THAP5: variants seen among roughly 807,000 people sequenced by gnomAD.
The protein encoded by THAP5 is THAP domain-containing protein 5.
THAP5 carries 26 observed loss-of-function variants against 34.0 expected under a neutral mutation model. That is an observed-to-expected ratio of 0.77 (90% CI 0.56 to 1.06). THAP5 has a LOEUF of 1.06. THAP5 is among the 50% of genes least tolerant of loss of function. The pLI is 0.00. For synonymous variants in THAP5, 125 were observed against 153.0 expected, an observed-to-expected ratio of 0.82 and a Z score of 1.35; for missense variants, 394 against 452.8, an observed-to-expected ratio of 0.87 and a Z score of 1.18.
the THAP5 span, among the ~76,000 whole-genome samples, chr7:108,546,377 G>C: frequency 6.6e-6 from 1 of 152,174 alleles, no homozygotes; most frequent in African/African-American, 2.4e-5. Context: ...AATGTGTTCA[G>C]ACAGGCATAA....
downstream of THAP5, among the ~76,000 whole-genome samples, chr7:108,553,741 A>T (rs1005833823): frequency 2.0e-5 from 3 of 152,150 alleles, no homozygotes; most frequent in African/African-American, 7.2e-5. Context: ...GGATTGCCAG[A>T]AGCTTCTGCC....
the THAP5 span, among the ~76,000 whole-genome samples, chr7:108,548,170 A>G: frequency 6.6e-6 from 1 of 152,194 alleles, no homozygotes; most frequent in Non-Finnish European, 1.5e-5. Context: ...TGGGACAATA[A>G]TATACTCATG....
intron 1 of THAP5, among the ~76,000 whole-genome samples, chr7:108,567,817 TA>T (rs1259896742): frequency 1.3e-5 from 2 of 152,242 alleles, no homozygotes; most frequent in African/African-American, 4.8e-5. Flanking sequence ...GAAAATTTTT[TA>T]AAAACCCTAG....
chr7:108,557,504 G>A (rs1864395108), downstream of THAP5, among the ~76,000 whole-genome samples: 1 of 152,168 alleles, frequency 6.6e-6, no homozygotes, highest in South Asian at 2.1e-4. Flanking sequence ...TGACTTCAAA[G>A]GTCGACAGAT....
chr7:108,554,357 T>G (rs542672413), downstream of THAP5, among the ~76,000 whole-genome samples: 1 of 152,158 alleles, frequency 6.6e-6, no homozygotes, highest in East Asian at 1.9e-4. Context: ...CTTCATTGAT[T>G]AGAGTAGATT....
downstream of THAP5, among the ~76,000 whole-genome samples, chr7:108,560,625 T>C (rs562054957): frequency 2.6e-4 from 40 of 152,322 alleles, no homozygotes; most frequent in African/African-American, 8.7e-4. Context: ...AACTGAGATA[T>C]AAGGTTTGGC....
Position 108,566,910 on chromosome 7 carries a change from A to C in THAP5, c.81-888T>G, listed in dbSNP as rs532433057. ...ACAAAACAATATTTGAAAATGGTTTATATTCCATTTGGTACTTTTCCAAGA... is the reference window on the plus strand; with the variant it reads ...ACAAAACAATATTTGAAAATGGTTTCTATTCCATTTGGTACTTTTCCAAGA... On this transcript the variant is annotated intron_variant, in intron 1 of 2. Transcript: ENST00000415914. Among the ~76,000 whole-genome samples, 6 of 152,306 alleles carry C rather than the reference A, an allele frequency of 3.9e-5. No homozygotes were observed. The East Asian group carries it at 1.2e-3, about 29-fold the overall frequency.
At chr7:108,546,702 A>G in the THAP5 span, among the ~76,000 whole-genome samples, 1 of 152,160 alleles carries the variant, frequency 6.6e-6, no homozygotes, top group Non-Finnish European at 1.5e-5. Context: ...GTATTTTGCT[A>G]TTGCTAAGGA....
chr7:108,554,267 A>T (rs1298894213), downstream of THAP5, among the ~76,000 whole-genome samples: 7 of 152,234 alleles, frequency 4.6e-5, no homozygotes, highest in Admixed American at 6.5e-5. Flanking sequence ...ACAACATGTG[A>T]TGTGTATTTA....
At chr7:108,553,803 C>T (rs902521387), downstream of THAP5, among the ~76,000 whole-genome samples, 1 of 152,158 alleles carries the variant, frequency 6.6e-6, no homozygotes, top group African/African-American at 2.4e-5. Flanking sequence ...TCTTCCTAGC[C>T]CTGCAGAATT....
chr7:108,565,263 A>G (rs1441879346), intron 2 of THAP5, 158 bp from the exon 3 acceptor site: 1 of 555,766 alleles, frequency 1.8e-6, no homozygotes, highest in African/African-American at 1.9e-5. Flanking sequence ...TTTTCTAAAA[A>G]GCATTAATCC....
At chr7:108,550,105 A>G (rs1004292115), downstream of THAP5, among the ~76,000 whole-genome samples, 3 of 152,190 alleles carry the variant, frequency 2.0e-5, no homozygotes, top group Admixed American at 6.5e-5. Context: ...ATTTTCCAAC[A>G]GCTTCCTTAG....
Position 108,569,595 on chromosome 7 carries a change from G to C in THAP5, c.-26C>G, listed in dbSNP as rs112785303. On this transcript the variant is annotated 5_prime_UTR_variant, in exon 1 of 3. Coordinates refer to ENST00000415914, the MANE Select transcript of THAP5 (RefSeq NM_001130475.3). Reference sequence around the variant, plus strand: ...GACTCGGGTGAGGCCCCTGGAGACCGGGGCCGGCGACGGATGCAGGGCGGC... The same window carrying C: ...GACTCGGGTGAGGCCCCTGGAGACCCGGGCCGGCGACGGATGCAGGGCGGC... The C allele has an allele frequency of 1.9e-5, 30 of 1,549,882 alleles. No homozygotes were observed. Among genetic ancestry groups the C allele is most frequent in the African/African-American group, 4.1e-5 (3 of 73,042 alleles).
downstream of THAP5, among the ~76,000 whole-genome samples, chr7:108,551,272 A>G (rs1179120897): frequency 1.3e-5 from 2 of 152,144 alleles, no homozygotes; most frequent in African/African-American, 4.8e-5. Context: ...CCAGTGCAAC[A>G]GTGTTGGGAG....
the THAP5 span, among the ~76,000 whole-genome samples, chr7:108,544,057 A>T: frequency 6.6e-6 from 1 of 152,224 alleles, no homozygotes; most frequent in African/African-American, 2.4e-5. Context: ...CTAACACAAG[A>T]TCAAAAAGAA....
chr7:108,546,448 A>G, the THAP5 span, among the ~76,000 whole-genome samples: 218 of 152,320 alleles, frequency 1.4e-3, no homozygotes, highest in African/African-American at 5.0e-3. Flanking sequence ...TCAGTGATAC[A>G]TAGGACCCTT....
chr7:108,553,541 C>A (rs1319829014), downstream of THAP5, among the ~76,000 whole-genome samples: 1 of 152,068 alleles, frequency 6.6e-6, no homozygotes, highest in Non-Finnish European at 1.5e-5. Context: ...AAATTTTGAA[C>A]CTTTGTTTCC....
At chr7:108,551,673 A>C (rs963948978), downstream of THAP5, among the ~76,000 whole-genome samples, 4 of 152,218 alleles carry the variant, frequency 2.6e-5, no homozygotes, top group African/African-American at 9.6e-5. Flanking sequence ...CCTATGGATG[A>C]GTCTTGCCCT....
downstream of THAP5, among the ~76,000 whole-genome samples, chr7:108,552,928 CT>C (rs1352804918): frequency 2.0e-5 from 3 of 152,132 alleles, no homozygotes; most frequent in African/African-American, 7.2e-5. Flanking sequence ...TAAAATAGTA[CT>C]TTATTATATT....
Sources: allele counts gnomAD v4.1 joint callset (sites outside exome capture counted in the v4.1 genomes callset), GRCh38; gene constraint gnomAD v4.1.1; transcripts MANE v1.5; gene names NCBI Gene and HGNC (gene_info 2026-07-23, HGNC 2026-07-21).